DOCK2: variants seen among roughly 807,000 people sequenced by gnomAD.
DOCK2 encodes the protein dedicator of cytokinesis 2.
DOCK2 carries 87 observed loss-of-function variants against 248.9 expected under a neutral mutation model. The observed-to-expected ratio is 0.35, with a 90% CI of 0.29 to 0.42. DOCK2 has a LOEUF of 0.42. DOCK2 is among the 10% of genes least tolerant of loss of function. DOCK2 has a pLI of 1.00. For missense variants in DOCK2, 1,747 were observed against 2,300.2 expected, an observed-to-expected ratio of 0.76 and a Z score of 4.92; for synonymous variants, 805 against 821.6, an observed-to-expected ratio of 0.98 and a Z score of 0.35.
chr5:169,654,492 T>A lies in DOCK2; in HGVS notation c.127+6T>A, dbSNP rs757957020. The A allele has an allele frequency of 1.0e-4, 169 of 1,613,842 alleles. No individual in the cohort carries two copies. The Admixed American group carries it at 2.7e-3, about 26-fold the overall frequency. ...AATACAGGAGACGTGTGGAGGTGAGTCACTGGCCCACGCCCCAAGTGCTGG... is the reference window on the plus strand; with the variant it reads ...AATACAGGAGACGTGTGGAGGTGAGACACTGGCCCACGCCCCAAGTGCTGG... On this transcript the variant is annotated splice_donor_region_variant and intron_variant, in intron 2 of 51. Coordinates refer to ENST00000520908, the MANE Select transcript of DOCK2 (RefSeq NM_004946.3).
intron 7 of DOCK2, among the ~76,000 whole-genome samples, 190 bp from the exon 8 acceptor site, chr5:169,684,006 A>C (rs1434116917): frequency 1.3e-5 from 2 of 152,224 alleles, no homozygotes; most frequent in African/African-American, 4.8e-5. Flanking sequence ...GACATTTCCC[A>C]AGATAGAAAA....
intron 1 of DOCK2, among the ~76,000 whole-genome samples, chr5:169,647,310 G>T (rs1002914240): frequency 6.6e-6 from 1 of 152,100 alleles, no homozygotes; most frequent in African/African-American, 2.4e-5. Context: ...TGGATGGGTG[G>T]GTAGATGGAT....
intron 4 of DOCK2, 100 bp downstream of exon 4, chr5:169,670,697 C>T: frequency 7.2e-7 from 1 of 1,394,140 alleles, no homozygotes; most frequent in East Asian, 2.3e-5. Flanking sequence ...GAGGGTTGCT[C>T]AGCTTATCTT....
intron 25 of DOCK2, among the ~76,000 whole-genome samples, chr5:169,775,159 C>G (rs1003789122): frequency 6.6e-6 from 1 of 152,184 alleles, no homozygotes; most frequent in Non-Finnish European, 1.5e-5. Context: ...ATCTGCCCAC[C>G]TCGGCCTCCC....
At chr5:169,752,468 A>G (rs1225986730) in intron 23 of DOCK2, among the ~76,000 whole-genome samples, 1 of 152,036 alleles carries the variant, frequency 6.6e-6, no homozygotes, top group East Asian at 1.9e-4. Flanking sequence ...GCTGGGTGCA[A>G]TGGTGCATGC....
At chr5:170,042,551 A>T (rs1756556403) in intron 38 of DOCK2, among the ~76,000 whole-genome samples, 1 of 152,066 alleles carries the variant, frequency 6.6e-6, no homozygotes, top group South Asian at 2.1e-4. Flanking sequence ...CTCTCATTTC[A>T]TCCCTGCTGG....
intron 27 of DOCK2, among the ~76,000 whole-genome samples, chr5:169,933,677 G>T (rs576125824): frequency 1.3e-5 from 2 of 152,106 alleles, no homozygotes. Context: ...CTTACTGGCC[G>T]CACTAAGAGA....
At chr5:169,765,643 T>C (rs1342026428) in intron 25 of DOCK2, among the ~76,000 whole-genome samples, 1 of 152,154 alleles carries the variant, frequency 6.6e-6, no homozygotes, top group Non-Finnish European at 1.5e-5. Flanking sequence ...AGGATCCACA[T>C]TGCTAGAGAT....
chr5:169,902,488 G>C (rs1480611288), intron 27 of DOCK2, among the ~76,000 whole-genome samples: 1 of 152,184 alleles, frequency 6.6e-6, no homozygotes, highest in African/African-American at 2.4e-5. Flanking sequence ...TGTAGCAAGA[G>C]GCCACAGGCT....
intron 41 of DOCK2, among the ~76,000 whole-genome samples, chr5:170,054,066 A>G (rs1332754740): frequency 1.3e-5 from 2 of 152,244 alleles, no homozygotes; most frequent in African/African-American, 2.4e-5. Flanking sequence ...GGTATTTGAC[A>G]TCTGTCCAAA....
chr5:169,871,913 G>T (rs1047495162), intron 27 of DOCK2, among the ~76,000 whole-genome samples: 1 of 152,228 alleles, frequency 6.6e-6, no homozygotes, highest in Non-Finnish European at 1.5e-5. Flanking sequence ...TAAGGAGGCA[G>T]CCTATTGAAG....
At chr5:169,724,160 C>T (rs561421808) in intron 22 of DOCK2, among the ~76,000 whole-genome samples, 53 of 152,194 alleles carry the variant, frequency 3.5e-4, no homozygotes, top group African/African-American at 1.3e-3. Flanking sequence ...TGAGGGAGGG[C>T]GACTCTGACT....
chr5:169,901,455 G>GCA (rs1327172917), intron 27 of DOCK2, among the ~76,000 whole-genome samples: 10 of 152,150 alleles, frequency 6.6e-5, no homozygotes, highest in African/African-American at 2.4e-4. Flanking sequence ...GTGCATGTGT[G>GCA]TGTAGGAGAG....
intron 32 of DOCK2, among the ~76,000 whole-genome samples, chr5:170,016,674 C>G (rs1377512400): frequency 6.6e-6 from 1 of 152,222 alleles, no homozygotes; most frequent in Non-Finnish European, 1.5e-5. Flanking sequence ...AAAATTTATC[C>G]TTATCATGCC....
chr5:169,716,359 T>A, intron 20 of DOCK2, 57 bp downstream of exon 20: 1 of 1,554,030 alleles, frequency 6.4e-7, no homozygotes, highest in Non-Finnish European at 8.9e-7. Context: ...TGTCTTACTG[T>A]GAAAATACTG....
intron 19 of DOCK2, among the ~76,000 whole-genome samples, chr5:169,715,700 C>T (rs746841634): frequency 1.1e-4 from 16 of 151,480 alleles, no homozygotes; most frequent in African/African-American, 1.7e-4. Flanking sequence ...TTTTTACACA[C>T]GTAAACACCA....
chr5:169,773,449 C>CAT (rs151188251), intron 25 of DOCK2, among the ~76,000 whole-genome samples: 1 of 150,326 alleles, frequency 6.7e-6, no homozygotes, highest in Non-Finnish European at 1.5e-5. Flanking sequence ...ATAAACTCTT[C>CAT]GTGTGTGTGT....
chr5:169,844,736 CT>C lies in DOCK2; in HGVS notation c.2799+3896del, dbSNP rs5873195. Among the ~76,000 whole-genome samples, 254 of 146,172 alleles carry C rather than the reference CT, an allele frequency of 1.7e-3. 1 individual carries two copies. The highest frequency in any genetic ancestry group is 8.4e-3 in the South Asian group (39 of 4,616). The stretch of plus-strand genomic sequence containing the variant: ...GATCACATTTTCATGTGCTCTGCCT[CT>C]TTTTTTTTTTTGAGTCATTTTTATC... On this transcript the variant is annotated intron_variant, in intron 27 of 51. Coordinates refer to ENST00000520908, the MANE Select transcript of DOCK2 (RefSeq NM_004946.3).
chr5:169,822,447 A>C (rs1348622818), intron 26 of DOCK2, among the ~76,000 whole-genome samples: 4 of 152,186 alleles, frequency 2.6e-5, no homozygotes, highest in Non-Finnish European at 4.4e-5. Context: ...TCAAACTAGA[A>C]CTCTGGATTA....
Sources: allele counts gnomAD v4.1 joint callset (sites outside exome capture counted in the v4.1 genomes callset), GRCh38; gene constraint gnomAD v4.1.1; transcripts MANE v1.5; gene names NCBI Gene and HGNC (gene_info 2026-07-23, HGNC 2026-07-21).